Variants in NPR3 observed in about 807,000 individuals in gnomAD.
The protein encoded by NPR3 is atrial natriuretic peptide receptor 3.
In NPR3, 34 loss-of-function variants were observed where a neutral mutation model predicts 54.5. That is an observed-to-expected ratio of 0.62 (90% CI 0.47 to 0.83). NPR3 has a LOEUF of 0.83. NPR3 is among the 40% of genes least tolerant of loss of function. The pLI, the probability that NPR3 is intolerant of heterozygous loss-of-function variation, is 0.00. For synonymous variants in NPR3, 289 were observed against 297.1 expected, an observed-to-expected ratio of 0.97 and a Z score of 0.28; for missense variants, 674 against 720.8, an observed-to-expected ratio of 0.94 and a Z score of 0.74.
chr5:32,758,657 G>A (rs1391602439), intron 3 of NPR3, among the ~76,000 whole-genome samples: 1 of 152,032 alleles, frequency 6.6e-6, no homozygotes, highest in Non-Finnish European at 1.5e-5. Context: ...TTTTGAATGT[G>A]TTTGCTCTTG....
chr5:32,694,071 G>C (rs1178389519), intron 1 of NPR3, among the ~76,000 whole-genome samples: 3 of 152,160 alleles, frequency 2.0e-5, no homozygotes, highest in Non-Finnish European at 4.4e-5. Context: ...GTTTCTGGAG[G>C]ATACTGAAAG....
chr5:32,700,150 T>A (rs949519217), intron 1 of NPR3, among the ~76,000 whole-genome samples: 27 of 152,134 alleles, frequency 1.8e-4, no homozygotes, highest in African/African-American at 6.3e-4. Context: ...CCATTGGGAG[T>A]TTCATAATTA....
upstream of NPR3, among the ~76,000 whole-genome samples, chr5:32,704,803 C>T (rs1737943091): frequency 6.6e-6 from 1 of 152,194 alleles, no homozygotes; most frequent in Admixed American, 6.5e-5. Flanking sequence ...CCTGCACTCC[C>T]CAGCCAGGGC....
At chr5:32,701,436 G>A (rs1233879636) in intron 1 of NPR3, among the ~76,000 whole-genome samples, 1 of 152,168 alleles carries the variant, frequency 6.6e-6, no homozygotes, top group African/African-American at 2.4e-5. Context: ...ATTTCATTGA[G>A]CTTCCTCAAA....
At chr5:32,701,656 G>A (rs1737802833) in intron 1 of NPR3, among the ~76,000 whole-genome samples, 1 of 152,176 alleles carries the variant, frequency 6.6e-6, no homozygotes. Context: ...TCCTTCTTGG[G>A]AAGGCTTTCC....
chr5:32,759,099 T>C (rs1271150447), intron 3 of NPR3, among the ~76,000 whole-genome samples: 1 of 152,040 alleles, frequency 6.6e-6, no homozygotes, highest in Admixed American at 6.6e-5. Flanking sequence ...GGGTGGAGAG[T>C]TCTGTAGATG....
rs1188157618 is a variant in NPR3 at position 32,787,765 on chromosome 5, A to G, written c.*1420A>G. 9 of 152,222 alleles carry G rather than the reference A, an allele frequency of 5.9e-5. No homozygotes were observed. The highest frequency in any genetic ancestry group is 2.2e-4 in the African/African-American group (9 of 41,464). The allele number at this position is 152,222 out of a possible 1,614,324, so 9.4% of individuals were successfully genotyped here. ...TGCAACATGAGTTTAAACTCAGGTT[A>G]CTACTTTCACTTATACTTTATGGAG... On this transcript the variant is annotated 3_prime_UTR_variant, in exon 8 of 8. Coordinates refer to ENST00000265074, the MANE Select transcript of NPR3 (RefSeq NM_001204375.2).
intron 1 of NPR3, among the ~76,000 whole-genome samples, chr5:32,692,753 T>C (rs1268092754): frequency 1.3e-5 from 2 of 152,244 alleles, no homozygotes; most frequent in Non-Finnish European, 2.9e-5. Context: ...TTTCTGTTCC[T>C]AGCATAATAA....
Position 32,712,370 on chromosome 5 carries a change from C to A in NPR3, c.594C>A (p.Ser198Arg). ...MLALFRHHHW[S>R]RAALVYSDDK... is the part of the protein sequence containing the mutation. ...CCCTGTTCCGCCACCACCACTGGAG[C>A]CGCGCTGCACTGGTCTACAGCGACG... The change falls in exon 1 of 8, where the codon AGC (serine) becomes AGA (arginine). Residue 198 changes from serine (S) to arginine (R), a missense_variant. Ser to Arg is a moderately radical substitution (Grantham distance 110). Transcript: ENST00000265074. 6.2e-7 allele frequency: 1 copy of A among 1,612,082 alleles called. No individual in the cohort carries two copies. Among genetic ancestry groups the A allele is most frequent in the Non-Finnish European group, 8.5e-7 (1 of 1,178,650 alleles).
intron 3 of NPR3, among the ~76,000 whole-genome samples, chr5:32,768,503 A>C (rs1741590600): frequency 6.6e-6 from 1 of 152,126 alleles, no homozygotes; most frequent in South Asian, 2.1e-4. Flanking sequence ...GCCTACAGAG[A>C]TCTCCTTGTT....
chr5:32,712,133 C>A lies in NPR3; in HGVS notation c.357C>A (p.Arg119=), dbSNP rs1217588035. The change falls in exon 1 of 8, where the codon CGC becomes CGA. Residue 119 remains arginine, a synonymous_variant. Coordinates refer to ENST00000265074, the MANE Select transcript of NPR3 (RefSeq NM_001204375.2). ...GNRALFSLVD[R]VAAARGAKPD... Reference sequence around the variant, plus strand: ...GTGCGCTCTTCAGCTTGGTGGACCGCGTGGCGGCGGCGCGGGGCGCCAAGC... The same window carrying A: ...GTGCGCTCTTCAGCTTGGTGGACCGAGTGGCGGCGGCGCGGGGCGCCAAGC... The A allele has an allele frequency of 2.5e-6, 4 of 1,613,382 alleles. No individual in the cohort carries two copies. In the African/African-American group the frequency reaches 5.3e-5, roughly 22 times the overall value.
At chr5:32,760,144 G>A (rs1306699961) in intron 3 of NPR3, among the ~76,000 whole-genome samples, 2 of 150,794 alleles carry the variant, frequency 1.3e-5, no homozygotes, top group Non-Finnish European at 3.0e-5. Flanking sequence ...TTTCCAGTTT[G>A]GAACTATTGT....
chr5:32,691,457 A>G (rs1740386626), intron 1 of NPR3, among the ~76,000 whole-genome samples: 2 of 152,246 alleles, frequency 1.3e-5, no homozygotes, highest in Admixed American at 1.3e-4. Flanking sequence ...TAAAGATCAG[A>G]TCCAAAACTT....
chr5:32,782,672 C>T (rs1742398691), intron 5 of NPR3, among the ~76,000 whole-genome samples: 1 of 152,180 alleles, frequency 6.6e-6, no homozygotes, highest in African/African-American at 2.4e-5. Context: ...CCCCAGAACA[C>T]ACCATGACCA....
chr5:32,718,431 A>G (rs1738669627), intron 1 of NPR3, among the ~76,000 whole-genome samples: 1 of 152,234 alleles, frequency 6.6e-6, no homozygotes, highest in Admixed American at 6.5e-5. Context: ...TACTTTGGGC[A>G]ATATGGCCAT....
intron 3 of NPR3, among the ~76,000 whole-genome samples, chr5:32,754,761 C>T (rs1003061605): frequency 6.6e-6 from 1 of 152,104 alleles, no homozygotes; most frequent in Non-Finnish European, 1.5e-5. Flanking sequence ...ATTTGAAGAC[C>T]TTTATTAATT....
At chr5:32,774,626 G>GT in intron 3 of NPR3, 82 bp from the exon 4 acceptor site, 1 of 1,056,566 alleles carries the variant, frequency 9.5e-7, no homozygotes. Flanking sequence ...AGTCTAACTT[G>GT]TTAACGCTTT....
intron 1 of NPR3, among the ~76,000 whole-genome samples, chr5:32,692,399 A>G (rs1250998586): frequency 1.3e-5 from 2 of 152,364 alleles, no homozygotes; most frequent in East Asian, 1.9e-4. Flanking sequence ...AAAAAGGCTG[A>G]CAAGAGAATA....
intron 2 of NPR3, among the ~76,000 whole-genome samples, chr5:32,732,030 A>C (rs1482145171): frequency 6.6e-6 from 1 of 151,960 alleles, no homozygotes; most frequent in Non-Finnish European, 1.5e-5. Context: ...TCATGAGGTC[A>C]GGAGATCGAG....
Sources: gnomAD v4.1 joint callset for allele counts (sites outside exome capture counted in the v4.1 genomes callset) on GRCh38, gnomAD v4.1.1 for gene constraint, MANE v1.5 for transcripts, NCBI Gene and HGNC (gene_info 2026-07-23, HGNC 2026-07-21) for gene names.